Variants in CHRM3 observed in about 807,000 individuals in gnomAD.
CHRM3 encodes the protein cholinergic receptor muscarinic 3.
Under a neutral mutation model 41.8 loss-of-function variants are expected in CHRM3, and 11 were observed. The ratio of observed to expected loss-of-function variants is 0.26; its 90% CI spans 0.17 to 0.44. CHRM3 has a LOEUF of 0.44. CHRM3 is among the 20% of genes least tolerant of loss of function. The pLI, the probability that CHRM3 is intolerant of heterozygous loss-of-function variation, is 1.00. For synonymous variants in CHRM3, 297 were observed against 301.4 expected (o/e 0.99, Z 0.15); for missense variants, 571 against 745.4 (o/e 0.77, Z 2.72).
At chr1:239,440,702 A>G (rs1042260195) in intron 1 of CHRM3, among the ~76,000 whole-genome samples, 2 of 152,224 alleles carry the variant, frequency 1.3e-5, no homozygotes, top group African/African-American at 4.8e-5. Flanking sequence ...ATTACTCGAC[A>G]TTTATCAAAT....
intron 2 of CHRM3, among the ~76,000 whole-genome samples, chr1:239,537,405 G>A (rs1658309166): frequency 6.6e-6 from 1 of 151,956 alleles, no homozygotes; most frequent in Non-Finnish European, 1.5e-5. Context: ...TACGTGGTGG[G>A]AACAAAGGGA....
intron 5 of CHRM3, among the ~76,000 whole-genome samples, chr1:239,732,104 G>A (rs924471434): frequency 2.0e-5 from 3 of 151,908 alleles, no homozygotes. Flanking sequence ...TTTGCACTTG[G>A]TCTGCCTCCT....
intron 2 of CHRM3, among the ~76,000 whole-genome samples, chr1:239,497,680 C>G (rs1203560571): frequency 1.3e-5 from 2 of 152,320 alleles, no homozygotes; most frequent in East Asian, 3.9e-4. Context: ...AAGTATAAAG[C>G]CAGGGAAGAC....
chr1:239,860,693 C>A (rs1675564760), intron 6 of CHRM3, among the ~76,000 whole-genome samples: 1 of 152,158 alleles, frequency 6.6e-6, no homozygotes, highest in South Asian at 2.1e-4. Context: ...ACTTATGTGT[C>A]AAATTTTCCC....
intron 5 of CHRM3, among the ~76,000 whole-genome samples, chr1:239,813,060 A>C (rs555339504): frequency 2.0e-5 from 3 of 152,282 alleles, no homozygotes; most frequent in African/African-American, 7.2e-5. Context: ...CAGGCAGATC[A>C]CAAGATCAGG....
intron 3 of CHRM3, among the ~76,000 whole-genome samples, chr1:239,577,335 A>G (rs1312820061): frequency 1.3e-5 from 2 of 152,130 alleles, no homozygotes; most frequent in African/African-American, 4.8e-5. Flanking sequence ...AATAAAAAAT[A>G]TTTTTGTAAT....
intron 6 of CHRM3, among the ~76,000 whole-genome samples, chr1:239,895,735 C>A (rs183555472): frequency 6.6e-6 from 1 of 152,260 alleles, no homozygotes; most frequent in Non-Finnish European, 1.5e-5. Context: ...CCAAACACGG[C>A]GTGTTCTCAC....
At chr1:239,647,927 A>G (rs1671883870) in intron 4 of CHRM3, among the ~76,000 whole-genome samples, 1 of 152,180 alleles carries the variant, frequency 6.6e-6, no homozygotes, top group South Asian at 2.1e-4. Flanking sequence ...AAATAATAGC[A>G]CCTACCTCAC....
chr1:239,606,429 G>A (rs944662462), intron 3 of CHRM3, among the ~76,000 whole-genome samples: 2 of 151,858 alleles, frequency 1.3e-5, no homozygotes, highest in Non-Finnish European at 2.9e-5. Flanking sequence ...GCGCCCACCA[G>A]CACGTTCGGC....
At chr1:239,602,090 A>ATCTGTGTGTGTGTGTG (rs371232279) in intron 3 of CHRM3, among the ~76,000 whole-genome samples, 1 of 131,232 alleles carries the variant, frequency 7.6e-6, no homozygotes, top group Non-Finnish European at 1.5e-5. Flanking sequence ...ACATATATAC[A>ATCTGTGTGTGTGTGTG]TGTGTGTGTG....
At chr1:239,899,222 TTTC>T (rs536277355) in intron 6 of CHRM3, among the ~76,000 whole-genome samples, 21 of 152,150 alleles carry the variant, frequency 1.4e-4, no homozygotes, top group South Asian at 2.1e-4. Context: ...TGTACATTTT[TTTC>T]TTTTTTAATT....
chr1:239,543,527 T>G (rs1229323510), intron 2 of CHRM3, among the ~76,000 whole-genome samples: 1 of 150,502 alleles, frequency 6.6e-6, no homozygotes, highest in Non-Finnish European at 1.5e-5. Context: ...TTTTTTTTTG[T>G]GATGGAGTCT....
chr1:239,517,742 T>A (rs978999829), intron 2 of CHRM3, among the ~76,000 whole-genome samples: 1 of 152,212 alleles, frequency 6.6e-6, no homozygotes, highest in East Asian at 1.9e-4. Flanking sequence ...GAAAGACTCA[T>A]TTTAGGAAGC....
chr1:239,643,556 G>A (rs577616459), intron 4 of CHRM3, among the ~76,000 whole-genome samples: 35 of 152,306 alleles, frequency 2.3e-4, no homozygotes, highest in Admixed American at 3.3e-4. Flanking sequence ...CTCCGTGGGC[G>A]TAGGACCCTC....
At chr1:239,560,292 C>T (rs765827312) in intron 3 of CHRM3, among the ~76,000 whole-genome samples, 41 of 152,072 alleles carry the variant, frequency 2.7e-4, no homozygotes, top group Middle Eastern at 3.2e-3. Flanking sequence ...TATTGCAACT[C>T]ATACGCTGAT....
At chr1:239,778,268 C>CA (rs1305844909) in intron 5 of CHRM3, among the ~76,000 whole-genome samples, 1 of 152,158 alleles carries the variant, frequency 6.6e-6, no homozygotes, top group Non-Finnish European at 1.5e-5. Flanking sequence ...TCAAATTATG[C>CA]AAACCATCTT....
intron 1 of CHRM3, among the ~76,000 whole-genome samples, chr1:239,452,278 A>G (rs1032646167): frequency 6.6e-6 from 1 of 152,206 alleles, no homozygotes; most frequent in East Asian, 1.9e-4. Flanking sequence ...TTGTGTCTAT[A>G]AAAATATTAT....
chr1:239,907,572 A>G lies in CHRM3; in HGVS notation c.121A>G (p.Asn41Asp). 1.9e-6 allele frequency: 3 copies of G among 1,614,094 alleles called. No individual in the cohort carries two copies. The highest frequency in any genetic ancestry group is 2.5e-6 in the Non-Finnish European group (3 of 1,180,018). The change falls in exon 7 of 7, where the codon AAT becomes GAT. Residue 41 changes from asparagine to aspartate, a missense_variant. Asn to Asp is a conservative substitution (Grantham distance 23). Around this residue, in one of 5 missense-constraint regions of CHRM3, gnomAD observed 92 missense variants for 76.1 expected, o/e 1.21. Coordinates refer to ENST00000676153, the MANE Select transcript of CHRM3 (RefSeq NM_001375978.1). This position sits in a 1 kb window ranked among gnomAD's most constrained non-coding sequence, Gnocchi z 5.4. ...AACCGTCACTCATTTCGGCAGCTACAATGTTTCTCGAGCAGCTGGCAATTT... is the reference window on the plus strand; with the variant it reads ...AACCGTCACTCATTTCGGCAGCTACGATGTTTCTCGAGCAGCTGGCAATTT... ...PGTVTHFGSY[N>D]VSRAAGNFSS...
At chr1:239,875,214 T>G (rs897875184) in intron 6 of CHRM3, among the ~76,000 whole-genome samples, 1 of 152,194 alleles carries the variant, frequency 6.6e-6, no homozygotes, top group African/African-American at 2.4e-5. Flanking sequence ...TCAGGACCCA[T>G]GAGGCTTGAG....
Sources: gnomAD v4.1 joint callset for allele counts (sites outside exome capture counted in the v4.1 genomes callset) on GRCh38, gnomAD v4.1.1 for gene constraint, gnomAD v4.1.1 regional missense constraint, Gnocchi (gnomAD v3.1) non-coding constraint, MANE v1.5 for transcripts, NCBI Gene and HGNC (gene_info 2026-07-23, HGNC 2026-07-21) for gene names.